The following CERS3 variants were observed in gnomAD, a reference collection of about 807,000 sequenced individuals.
CERS3 encodes ceramide synthase 3, also known as LAG1 homolog, ceramide synthase 3.
Under a neutral mutation model 50.3 loss-of-function variants are expected in CERS3, and 33 were observed. The observed-to-expected ratio is 0.66, with a 90% CI of 0.50 to 0.88. CERS3 has a LOEUF of 0.88. CERS3 is among the 40% of genes least tolerant of loss of function. The pLI, the probability that CERS3 is intolerant of heterozygous loss-of-function variation, is 0.00. For synonymous variants in CERS3, 176 were observed against 155.2 expected, an observed-to-expected ratio of 1.13 and a Z score of -0.99; for missense variants, 470 against 460.3, an observed-to-expected ratio of 1.02 and a Z score of -0.19.
intron 11 of CERS3, among the ~76,000 whole-genome samples, chr15:100,427,273 A>T (rs553555678): frequency 6.6e-6 from 1 of 152,084 alleles, no homozygotes; most frequent in South Asian, 2.1e-4. Context: ...CGAAAGTGCT[A>T]TTGTTGGCAA....
At chr15:100,421,567 G>A (rs1313374111) in intron 11 of CERS3, among the ~76,000 whole-genome samples, 1 of 149,460 alleles carries the variant, frequency 6.7e-6, no homozygotes, top group African/African-American at 2.5e-5. Flanking sequence ...TTTCTTCACA[G>A]AATTGGAAAA....
At chr15:100,501,926 A>C in intron 2 of CERS3, 76 bp from the exon 3 acceptor site, 2 of 1,458,830 alleles carry the variant, frequency 1.4e-6, no homozygotes, top group Non-Finnish European at 1.9e-6. Context: ...ACCTTGGCTC[A>C]AAATGCCAGA....
intron 11 of CERS3, among the ~76,000 whole-genome samples, chr15:100,444,841 C>A (rs949435126): frequency 5.9e-5 from 9 of 152,182 alleles, no homozygotes; most frequent in African/African-American, 2.2e-4. Flanking sequence ...CCACCATGGT[C>A]ATTTCTTCCC....
rs1239390809 is a variant in CERS3, at chr15:100,469,608, G to T, written c.739-124C>A. ...AAACAATCTGGGTGGAAAGTAGGGG[G>T]TACAGGTGGGGCAATAGATAAAACA... On this transcript the variant is annotated intron_variant, in intron 9 of 11. Coordinates refer to ENST00000679737, the MANE Select transcript of CERS3 (RefSeq NM_001378789.1). 5 of 651,170 alleles carry T rather than the reference G, an allele frequency of 7.7e-6. No homozygotes were observed. The East Asian group carries it at 8.3e-5, about 11-fold the overall frequency. 40.3% of individuals were successfully genotyped at this position (651,170 alleles called of 1,614,324 possible).
At chr15:100,487,874 C>A (rs763091810) in intron 4 of CERS3, among the ~76,000 whole-genome samples, 1 of 152,210 alleles carries the variant, frequency 6.6e-6, no homozygotes, top group Non-Finnish European at 1.5e-5. Flanking sequence ...TCTCACAGTG[C>A]CACGTTTTCT....
chr15:100,475,958 A>T (rs2035114844), intron 8 of CERS3, 128 bp downstream of exon 8: 2 of 510,838 alleles, frequency 3.9e-6, no homozygotes, highest in Non-Finnish European at 6.9e-6. Flanking sequence ...ATGTACTATA[A>T]AGCACACAAA....
intron 7 of CERS3, among the ~76,000 whole-genome samples, chr15:100,477,853 T>C (rs1452243244): frequency 6.6e-6 from 1 of 152,196 alleles, no homozygotes; most frequent in Admixed American, 6.5e-5. Context: ...TATGGGTAAG[T>C]TGTGAATATA....
chr15:100,458,862 T>C (rs1418711531), intron 10 of CERS3, among the ~76,000 whole-genome samples: 1 of 152,220 alleles, frequency 6.6e-6, no homozygotes, highest in Non-Finnish European at 1.5e-5. Flanking sequence ...CAATAACATG[T>C]TACAGAGAGC....
intron 1 of CERS3, among the ~76,000 whole-genome samples, chr15:100,525,848 T>G (rs7179325): frequency 0.46 from 70,443 of 152,050 alleles, 16,602 homozygotes; most frequent in Non-Finnish European, 0.51. Context: ...GTCCCACTAC[T>G]TTAGAATGCC....
intron 3 of CERS3, chr15:100,500,433 C>A (rs1278995737): frequency 6.6e-6 from 1 of 152,176 alleles, no homozygotes; most frequent in Non-Finnish European, 1.5e-5. Context: ...CTTTGGCAAC[C>A]TAAAGATGTT....
Position 100,528,860 on chromosome 15 carries a change from T to C in CERS3, c.-139A>G, listed in dbSNP as rs974866352. The C allele has an allele frequency of 2.8e-4, 43 of 152,196 alleles. 2 individuals carry two copies. The highest frequency in any genetic ancestry group is 1.5e-5 in the Non-Finnish European group (1 of 68,080). 9.4% of individuals were successfully genotyped at this position (152,196 alleles called of 1,614,324 possible). ...AAAGGTGCCCCTTGCTTGTGAAGTGTAGTCAGAGAGCAGCTTCCAACGTTC... is the reference window on the plus strand; with the variant it reads ...AAAGGTGCCCCTTGCTTGTGAAGTGCAGTCAGAGAGCAGCTTCCAACGTTC... On this transcript the variant is annotated 5_prime_UTR_variant, in exon 1 of 12. Transcript: ENST00000679737.
At chr15:100,418,239 A>T (rs1403318308) in intron 11 of CERS3, among the ~76,000 whole-genome samples, 1 of 152,136 alleles carries the variant, frequency 6.6e-6, no homozygotes, top group Non-Finnish European at 1.5e-5. Flanking sequence ...GGCTTAAAGG[A>T]GCTGATGGAG....
chr15:100,420,043 C>T lies in CERS3; in HGVS notation c.1000-17178G>A, dbSNP rs1479631987. 3.9e-3 allele frequency among the ~76,000 whole-genome samples: 541 copies of T among 140,028 alleles called. 4 individuals are homozygous for T. The highest frequency in any genetic ancestry group is 0.014 in the African/African-American group (515 of 37,580). 91.9% of individuals were successfully genotyped at this position (140,028 alleles called of 152,430 possible). A position where few individuals can be genotyped will look rare whatever the true frequency, so the allele number is the denominator to read the frequency against. On this transcript the variant is annotated intron_variant, in intron 11 of 11. Coordinates refer to ENST00000679737, the MANE Select transcript of CERS3 (RefSeq NM_001378789.1). ...AGAACTAGAAAAGCAAGAGCAAACA[C>T]ATTCAAAAGCTAGCAGAAGGCAAGA...
intron 11 of CERS3, among the ~76,000 whole-genome samples, chr15:100,416,504 G>T (rs954291527): frequency 6.6e-6 from 1 of 152,162 alleles, no homozygotes; most frequent in African/African-American, 2.4e-5. Context: ...CCCAAGACTG[G>T]GTAATTTGTA....
At chr15:100,502,237 C>A (rs4965665) in intron 2 of CERS3, among the ~76,000 whole-genome samples, 1 of 129,334 alleles carries the variant, frequency 7.7e-6, no homozygotes, top group Non-Finnish European at 1.6e-5. Context: ...GAGCAAGACT[C>A]CACCTCAAAA....
chr15:100,528,900 C>T lies in CERS3; in HGVS notation c.-179G>A, dbSNP rs1354446917. 3 of 152,228 alleles carry T rather than the reference C, an allele frequency of 2.0e-5. No individual in the cohort carries two copies. Among genetic ancestry groups the T allele is most frequent in the African/African-American group, 7.2e-5 (3 of 41,446 alleles). 9.4% of individuals were successfully genotyped at this position (152,228 alleles called of 1,614,324 possible). On this transcript the variant is annotated 5_prime_UTR_variant, in exon 1 of 12. Transcript: ENST00000679737. ...TTCCAACGTTCCAACCAGCTTCGTT[C>T]TCCTCAGAGAGCAGCACAACTCATC...
At chr15:100,507,273 G>T (rs573660780) in intron 2 of CERS3, among the ~76,000 whole-genome samples, 1 of 152,240 alleles carries the variant, frequency 6.6e-6, no homozygotes, top group South Asian at 2.1e-4. Flanking sequence ...CCAGATGATG[G>T]CCCCTTGAAG....
At chr15:100,511,261 G>T (rs1425212127) in intron 2 of CERS3, among the ~76,000 whole-genome samples, 2 of 152,076 alleles carry the variant, frequency 1.3e-5, no homozygotes, top group African/African-American at 4.8e-5. Context: ...TGCACTCCAG[G>T]CTGCGTGACA....
At chr15:100,417,357 T>C (rs2032010364) in intron 11 of CERS3, among the ~76,000 whole-genome samples, 1 of 152,118 alleles carries the variant, frequency 6.6e-6, no homozygotes, top group African/African-American at 2.4e-5. Flanking sequence ...CCCACCCTAA[T>C]ACTGCGCTTT....
Sources: allele counts gnomAD v4.1 joint callset (sites outside exome capture counted in the v4.1 genomes callset), GRCh38; gene constraint gnomAD v4.1.1; transcripts MANE v1.5; gene names NCBI Gene and HGNC (gene_info 2026-07-23, HGNC 2026-07-21).